Variants in TNRC6A observed in about 807,000 individuals in gnomAD.
TNRC6A encodes trinucleotide repeat-containing gene 6A protein.
In TNRC6A, 44 loss-of-function variants were observed where a neutral mutation model predicts 221.2. The observed-to-expected ratio is 0.20, with a 90% confidence interval of 0.16 to 0.26. The LOEUF (loss-of-function observed/expected upper bound fraction) is 0.26. TNRC6A is among the 10% of genes least tolerant of loss of function. The pLI is 1.00. For synonymous variants in TNRC6A, 847 were observed against 838.5 expected, an observed-to-expected ratio of 1.01 and a Z score of -0.18; for missense variants, 2,199 against 2,404.4, an observed-to-expected ratio of 0.91 and a Z score of 1.79.
In TNRC6A at chr16:24,799,366, G is replaced by A. The variant is rs117401120; in HGVS notation, c.3694+1400G>A. On this transcript the variant is annotated intron_variant, in intron 11 of 24. Transcript: ENST00000395799. ...ACCTTCCATATGTACTCTTCTGCAC[G>A]CATTTGTCCGGTACAATGGCAACGC... is the stretch of plus-strand genomic sequence containing the variant. Among the ~76,000 whole-genome samples the A allele has an allele frequency of 1.1e-4, 16 of 152,222 alleles. No individual in the cohort carries two copies. In the East Asian group the frequency reaches 2.7e-3, roughly 26 times the overall value.
At chr16:24,643,583 T>C (rs1293348752) in intron 2 of TNRC6A, among the ~76,000 whole-genome samples, 1 of 152,170 alleles carries the variant, frequency 6.6e-6, no homozygotes, top group Non-Finnish European at 1.5e-5. Flanking sequence ...CTTATTCTTC[T>C]GTTCGGAGGC....
chr16:24,795,357 C>T (rs1197754132), intron 8 of TNRC6A, among the ~76,000 whole-genome samples: 1 of 152,196 alleles, frequency 6.6e-6, no homozygotes, highest in Non-Finnish European at 1.5e-5. Flanking sequence ...CCTCAAATGT[C>T]TCTGATGCAG....
intron 4 of TNRC6A, among the ~76,000 whole-genome samples, chr16:24,771,216 A>G (rs1467653315): frequency 6.6e-6 from 1 of 152,216 alleles, no homozygotes; most frequent in Non-Finnish European, 1.5e-5. Context: ...TTAAACTTTT[A>G]TTATGGTAAA....
intron 3 of TNRC6A, among the ~76,000 whole-genome samples, chr16:24,756,253 C>T (rs11862971): frequency 2.2e-4 from 34 of 152,036 alleles, no homozygotes; most frequent in Non-Finnish European, 4.6e-4. Context: ...AGTCAGTGGT[C>T]GGTAGCCACA....
At chr16:24,736,285 C>T (rs2056765141) in intron 2 of TNRC6A, among the ~76,000 whole-genome samples, 1 of 152,268 alleles carries the variant, frequency 6.6e-6, no homozygotes, top group African/African-American at 2.4e-5. Context: ...TTTGTTCTAT[C>T]GTGACATTGC....
At chr16:24,783,210 C>A (rs1336403490) in intron 5 of TNRC6A, among the ~76,000 whole-genome samples, 3 of 151,938 alleles carry the variant, frequency 2.0e-5, no homozygotes, top group African/African-American at 7.3e-5. Context: ...CTCACTGCAA[C>A]CTCCGCCTCC....
chr16:24,632,783 C>T (rs1243280642), intron 1 of TNRC6A, among the ~76,000 whole-genome samples: 2 of 151,990 alleles, frequency 1.3e-5, no homozygotes, highest in African/African-American at 4.8e-5. Context: ...CCGAGGCGGG[C>T]AGATCACCTG....
rs1263573480 is a variant in TNRC6A, at chr16:24,797,524, C to T, written c.3596C>T (p.Ala1199Val). 4.3e-6 allele frequency: 7 copies of T among 1,611,296 alleles called. No individual in the cohort carries two copies. The highest frequency in any genetic ancestry group is 2.7e-5 in the African/African-American group (2 of 74,908). ...MMKGGNKQEE[A>V]WINPFVKQFS... is the part of the protein sequence containing the mutation. Reference sequence around the variant, plus strand: ...AAAGGTGGAAACAAACAAGAAGAAGCGTGGATAAATCCATTTGTTAAACAG... The same window carrying T: ...AAAGGTGGAAACAAACAAGAAGAAGTGTGGATAAATCCATTTGTTAAACAG... The change falls in exon 10 of 25, where the codon GCG (alanine) becomes GTG (valine). Residue 1199 changes from alanine to valine, a missense_variant. By Grantham distance (64) the Ala-to-Val change is moderately conservative. Coordinates refer to ENST00000395799, the MANE Select transcript of TNRC6A (RefSeq NM_014494.4).
chr16:24,801,263 T>C (rs2058325290), intron 11 of TNRC6A, among the ~76,000 whole-genome samples: 1 of 152,164 alleles, frequency 6.6e-6, no homozygotes, highest in African/African-American at 2.4e-5. Flanking sequence ...TGGGGAATAA[T>C]GGCATTTAGG....
At chr16:24,716,527 A>C (rs11860415) in intron 2 of TNRC6A, among the ~76,000 whole-genome samples, 1 of 152,048 alleles carries the variant, frequency 6.6e-6, no homozygotes, top group East Asian at 1.9e-4. Flanking sequence ...AAATTAGCCG[A>C]GCGTGATGGT....
At chr16:24,794,752 T>G in intron 8 of TNRC6A, 33 bp downstream of exon 8, 1 of 1,574,202 alleles carries the variant, frequency 6.4e-7, no homozygotes, top group Non-Finnish European at 8.6e-7. Flanking sequence ...CCTTGAAACT[T>G]TAAATTCCAA....
intron 2 of TNRC6A, among the ~76,000 whole-genome samples, chr16:24,643,784 G>A (rs1238195847): frequency 6.6e-6 from 1 of 151,904 alleles, no homozygotes; most frequent in African/African-American, 2.4e-5. Context: ...CACGGACACT[G>A]ATCCTATGCC....
intron 1 of TNRC6A, among the ~76,000 whole-genome samples, chr16:24,627,891 G>A (rs1424098811): frequency 6.6e-6 from 1 of 150,574 alleles, no homozygotes; most frequent in Non-Finnish European, 1.5e-5. Context: ...TAGAGATGGG[G>A]TTTCATCGTG....
At chr16:24,798,265 A>G (rs1412221305) in intron 11 of TNRC6A, 1 of 219,196 alleles carries the variant, frequency 4.6e-6, no homozygotes, top group African/African-American at 2.3e-5. Flanking sequence ...TAGATGTATG[A>G]CAGACTCTTA....
At chr16:24,731,593 C>G (rs1370270862) in intron 2 of TNRC6A, among the ~76,000 whole-genome samples, 1 of 152,036 alleles carries the variant, frequency 6.6e-6, no homozygotes, top group Admixed American at 6.6e-5. Flanking sequence ...GATATGAAAC[C>G]ATTAAAGAAA....
intron 2 of TNRC6A, among the ~76,000 whole-genome samples, chr16:24,686,756 C>A (rs755434599): frequency 1.3e-5 from 2 of 152,120 alleles, no homozygotes; most frequent in Non-Finnish European, 2.9e-5. Context: ...GAGGCCTCTG[C>A]AGGGGTGGTA....
chr16:24,751,617 T>G (rs538608092), intron 3 of TNRC6A, among the ~76,000 whole-genome samples: 1 of 152,330 alleles, frequency 6.6e-6, no homozygotes, highest in East Asian at 1.9e-4. Flanking sequence ...TTTCAAGACA[T>G]TAAAATGCTC....
In TNRC6A at chr16:24,823,825, C is replaced by T. The variant is rs1023970521; in HGVS notation, c.*18C>T. ...CCATGTAACAGTGTAGATGCAGACT[C>T]ACCGACCGGGACCTCAGACGCGAGG... On this transcript the variant is annotated 3_prime_UTR_variant, in exon 25 of 25. Coordinates refer to ENST00000395799, the MANE Select transcript of TNRC6A (RefSeq NM_014494.4). The surrounding 1 kb of genome is among the most constrained non-coding windows in gnomAD (Gnocchi z 4.3). 4.4e-6 allele frequency: 6 copies of T among 1,377,954 alleles called. No individual in the cohort carries two copies. The highest frequency in any genetic ancestry group is 3.0e-5 in the Admixed American group (1 of 33,794). 85.4% of individuals were successfully genotyped at this position (1,377,954 alleles called of 1,614,324 possible). A position where few individuals can be genotyped will look rare whatever the true frequency, so the allele number is the denominator to read the frequency against.
chr16:24,710,242 T>C (rs982748128), intron 2 of TNRC6A, among the ~76,000 whole-genome samples: 18 of 147,552 alleles, frequency 1.2e-4, no homozygotes, highest in African/African-American at 4.0e-4. Context: ...AAAAAAAAAA[T>C]TGTAAACACA....
Sources: gnomAD v4.1 joint callset for allele counts (sites outside exome capture counted in the v4.1 genomes callset) on GRCh38, gnomAD v4.1.1 for gene constraint, Gnocchi (gnomAD v3.1) non-coding constraint, MANE v1.5 for transcripts, NCBI Gene and HGNC (gene_info 2026-07-23, HGNC 2026-07-21) for gene names.